TMEM178B: variants seen among roughly 807,000 people sequenced by gnomAD.
The protein encoded by TMEM178B is transmembrane protein 178B.
Under a neutral mutation model 31.0 loss-of-function variants are expected in TMEM178B, and 5 were observed. The ratio of observed to expected loss-of-function variants is 0.16; its 90% CI spans 0.08 to 0.34. TMEM178B has a LOEUF of 0.34. TMEM178B is among the 10% of genes least tolerant of loss of function. The probability of loss-of-function intolerance (pLI) is 1.00; values close to 1 mark genes in which losing one functional copy is unlikely to be tolerated. For synonymous variants in TMEM178B, 164 were observed against 164.0 expected (o/e 1.00, Z 0.00); for missense variants, 275 against 400.3 (o/e 0.69, Z 2.67).
chr7:141,389,473 G>T lies in TMEM178B; in HGVS notation c.497-48135G>T, dbSNP rs534047889. On this transcript the variant is annotated intron_variant, in intron 2 of 3. Coordinates refer to ENST00000565468, the MANE Select transcript of TMEM178B (RefSeq NM_001195278.2). ...AGAAGGTACATCTGTACACAACATA[G>T]TATAGTAAAAGAAAGAGCAGTGATA... 1.4e-4 allele frequency among the ~76,000 whole-genome samples: 22 copies of T among 152,300 alleles called. No individual in the cohort carries two copies. The South Asian group carries it at 3.5e-3, about 24-fold the overall frequency.
rs539511480 is a variant in TMEM178B, at chr7:141,145,791, A to G, written c.383-66800A>G. 2.0e-5 allele frequency among the ~76,000 whole-genome samples: 3 copies of G among 152,294 alleles called. No individual in the cohort carries two copies. In the South Asian group the frequency reaches 6.2e-4, roughly 32 times the overall value. The stretch of plus-strand genomic sequence containing the variant: ...CAGGGGCTGGGGGTGGCCATCTGCA[A>G]TTGCAAGAGCTGCTACGTGCTGAGC... On this transcript the variant is annotated intron_variant, in intron 1 of 3. Transcript: ENST00000565468.
chr7:141,223,479 C>CTTTTTTTTTTTTTTT lies in TMEM178B; in HGVS notation c.496+10778_496+10792dup, dbSNP rs10680431. On this transcript the variant is annotated intron_variant, in intron 2 of 3. Coordinates refer to ENST00000565468, the MANE Select transcript of TMEM178B (RefSeq NM_001195278.2). ...GCTGATGTTCTCTGCTGTTTTCACTCTTTTTTTTTTTTTTTTTGTATTTCC... is the reference window on the plus strand; with the variant it reads ...GCTGATGTTCTCTGCTGTTTTCACTCTTTTTTTTTTTTTTTTTTTTTTTTTTTTTTTTGTATTTCC... 3.6e-4 allele frequency among the ~76,000 whole-genome samples: 47 copies of CTTTTTTTTTTTTTTT among 131,134 alleles called. 3 individuals carry two copies. The highest frequency in any genetic ancestry group is 1.2e-3 in the African/African-American group (41 of 33,068). The allele number at this position is 131,134 out of a possible 152,430, so 86.0% of individuals were successfully genotyped here. A position where few individuals can be genotyped will look rare whatever the true frequency, so the allele number is the denominator to read the frequency against.
At chr7:141,110,529 A>T (rs1156685099) in intron 1 of TMEM178B, among the ~76,000 whole-genome samples, 1 of 152,198 alleles carries the variant, frequency 6.6e-6, no homozygotes, top group African/African-American at 2.4e-5. Flanking sequence ...AGCTGTTTGG[A>T]TGTGAGCACT....
chr7:141,356,549 C>T (rs6965337), intron 2 of TMEM178B, among the ~76,000 whole-genome samples: 48,792 of 150,644 alleles, frequency 0.32, 7,996 homozygotes, highest in Middle Eastern at 0.36. Flanking sequence ...GTCTTTTGCT[C>T]GCATTTTAAT....
At chr7:141,329,935 G>A (rs1369194073) in intron 2 of TMEM178B, among the ~76,000 whole-genome samples, 2 of 152,192 alleles carry the variant, frequency 1.3e-5, no homozygotes, top group Non-Finnish European at 2.9e-5. Flanking sequence ...AACGAACGTG[G>A]TGGACACAGA....
chr7:141,322,304 A>T lies in TMEM178B; in HGVS notation c.496+109600A>T, dbSNP rs571007141. 6.1e-4 allele frequency among the ~76,000 whole-genome samples: 93 copies of T among 151,610 alleles called. 1 individual carries two copies. In the South Asian group the frequency reaches 0.019, roughly 31 times the overall value. ...CACTTTGGGAGGCTGAGGTGGGCGGACCACTTGAGGTCAGGAGTTCGAGAC... is the reference window on the plus strand; with the variant it reads ...CACTTTGGGAGGCTGAGGTGGGCGGTCCACTTGAGGTCAGGAGTTCGAGAC... On this transcript the variant is annotated intron_variant, in intron 2 of 3. Coordinates refer to ENST00000565468, the MANE Select transcript of TMEM178B (RefSeq NM_001195278.2).
downstream of TMEM178B, among the ~76,000 whole-genome samples, chr7:141,484,807 C>A (rs1185507113): frequency 6.6e-6 from 1 of 152,068 alleles, no homozygotes; most frequent in Non-Finnish European, 1.5e-5. The surrounding 1 kb of genome is among the most constrained non-coding windows in gnomAD (Gnocchi z 4.8). Flanking sequence ...GGTGATCCGC[C>A]CGCCTCGGCC....
chr7:141,370,720 G>C (rs545905711), intron 2 of TMEM178B, among the ~76,000 whole-genome samples: 1 of 152,324 alleles, frequency 6.6e-6, no homozygotes, highest in Non-Finnish European at 1.5e-5. Context: ...ATTTCTGCCA[G>C]GGTGACCCCT....
chr7:141,473,668 A>AC lies in TMEM178B; in HGVS notation c.*2884dup, dbSNP rs1276125112. The AC allele has an allele frequency of 6.6e-6, 1 of 152,234 alleles. No individual in the cohort carries two copies. The highest frequency in any genetic ancestry group is 6.5e-5 in the Admixed American group (1 of 15,282). 9.4% of individuals were successfully genotyped at this position (152,234 alleles called of 1,614,324 possible). ...GACGTAAACAACCTGGGCTCAACTC[A>AC]CCAGCCCAGAGCAGGGGCTTTGAGT... On this transcript the variant is annotated 3_prime_UTR_variant, in exon 4 of 4. Transcript: ENST00000565468.
At chr7:141,457,951 G>A (rs1046609931) in intron 3 of TMEM178B, among the ~76,000 whole-genome samples, 4 of 152,202 alleles carry the variant, frequency 2.6e-5, no homozygotes, top group East Asian at 1.9e-4. Context: ...TTACAAAAAT[G>A]TATAAGAACA....
intron 1 of TMEM178B, among the ~76,000 whole-genome samples, chr7:141,083,353 C>T (rs1020415416): frequency 6.6e-6 from 1 of 151,812 alleles, no homozygotes; most frequent in Admixed American, 6.6e-5. Flanking sequence ...AACTCCAAGC[C>T]CTTTCATACT....
At chr7:141,211,525 T>G (rs532452400) in intron 1 of TMEM178B, among the ~76,000 whole-genome samples, 8 of 152,132 alleles carry the variant, frequency 5.3e-5, no homozygotes, top group Non-Finnish European at 1.0e-4. Context: ...TCCATTCAGG[T>G]GCAAAACCAA....
Position 141,074,734 on chromosome 7 carries a change from C to T in TMEM178B, c.382+42C>T. On this transcript the variant is annotated intron_variant, in intron 1 of 3. Coordinates refer to ENST00000565468, the MANE Select transcript of TMEM178B (RefSeq NM_001195278.2). This position sits in a 1 kb window ranked among gnomAD's most constrained non-coding sequence, Gnocchi z 5.1. The stretch of plus-strand genomic sequence containing the variant: ...AGGCGTGGCGCTGCGGAGAGCCCGG[C>T]GCCTTTAGGCCCCGCAGCCCCTCGC... 12 of 1,440,940 alleles carry T rather than the reference C, an allele frequency of 8.3e-6. No homozygotes were observed. Among genetic ancestry groups the T allele is most frequent in the South Asian group, 1.5e-5 (1 of 68,486 alleles). The allele number at this position is 1,440,940 out of a possible 1,614,324, so 89.3% of individuals were successfully genotyped here.
chr7:141,336,086 C>T lies in TMEM178B; in HGVS notation c.497-101522C>T, dbSNP rs13438340. Among the ~76,000 whole-genome samples, 1,297 of 152,276 alleles carry T rather than the reference C, an allele frequency of 8.5e-3. 21 individuals are homozygous for T. The highest frequency in any genetic ancestry group is 0.029 in the African/African-American group (1,191 of 41,554). Reference sequence around the variant, plus strand: ...GAGAAAGAGTAATCGTCACTTGCCACGGGCAGACTTGGAGAGTCGCTGTTA... The same window carrying T: ...GAGAAAGAGTAATCGTCACTTGCCATGGGCAGACTTGGAGAGTCGCTGTTA... On this transcript the variant is annotated intron_variant, in intron 2 of 3. Transcript: ENST00000565468.
chr7:141,214,250 G>A (rs1387923136), intron 2 of TMEM178B, among the ~76,000 whole-genome samples: 1 of 152,146 alleles, frequency 6.6e-6, no homozygotes, highest in Non-Finnish European at 1.5e-5. Context: ...TTAAGTTATG[G>A]GGGTCGTAAT....
chr7:141,168,104 G>A (rs1796289607), intron 1 of TMEM178B, among the ~76,000 whole-genome samples: 1 of 152,174 alleles, frequency 6.6e-6, no homozygotes, highest in Non-Finnish European at 1.5e-5. Flanking sequence ...GATGGCCAGG[G>A]CAGAGACCGG....
intron 2 of TMEM178B, among the ~76,000 whole-genome samples, chr7:141,265,640 A>G (rs1284492576): frequency 6.6e-6 from 1 of 152,194 alleles, no homozygotes; most frequent in Non-Finnish European, 1.5e-5. Context: ...GTGGGTAGAT[A>G]CACAAGGCAG....
chr7:141,142,629 G>T (rs1220196944), intron 1 of TMEM178B, among the ~76,000 whole-genome samples: 2 of 151,974 alleles, frequency 1.3e-5, no homozygotes, highest in African/African-American at 4.8e-5. Flanking sequence ...GGATGGTCTC[G>T]ATCTCCTGAC....
chr7:141,093,990 A>G (rs1794918795), intron 1 of TMEM178B, among the ~76,000 whole-genome samples: 1 of 152,206 alleles, frequency 6.6e-6, no homozygotes, highest in African/African-American at 2.4e-5. Context: ...TGGTAACTGG[A>G]CTGAGAAAGT....
Sources: allele counts gnomAD v4.1 joint callset (sites outside exome capture counted in the v4.1 genomes callset), GRCh38; gene constraint gnomAD v4.1.1; non-coding constraint Gnocchi (gnomAD v3.1); transcripts MANE v1.5; gene names NCBI Gene and HGNC (gene_info 2026-07-23, HGNC 2026-07-21).